The following MGLL variants were observed in gnomAD, a reference collection of about 807,000 sequenced individuals.
The protein encoded by MGLL is monoglyceride lipase.
Under a neutral mutation model 29.1 loss-of-function variants are expected in MGLL, and 7 were observed. The ratio of observed to expected loss-of-function variants is 0.24; its 90% CI spans 0.14 to 0.45. The LOEUF is 0.45. MGLL is among the 20% of genes least tolerant of loss of function. MGLL has a pLI of 0.99. For missense variants in MGLL, 356 were observed against 413.6 expected (o/e 0.86, Z 1.21); for synonymous variants, 148 against 168.3 (o/e 0.88, Z 0.93).
At chr3:127,806,318 C>A (rs2077564707) in intron 2 of MGLL, among the ~76,000 whole-genome samples, 1 of 152,234 alleles carries the variant, frequency 6.6e-6, no homozygotes, top group Non-Finnish European at 1.5e-5. Flanking sequence ...AGATCCAGCA[C>A]AAGGCCTGCC....
In MGLL at chr3:127,696,396, C is replaced by CTTTTTTTT. The variant is rs545853423; in HGVS notation, c.601-1214_601-1207dup. 5.7e-3 allele frequency among the ~76,000 whole-genome samples: 281 copies of CTTTTTTTT among 49,386 alleles called. 59 individuals carry two copies. The highest frequency in any genetic ancestry group is 7.0e-3 in the Non-Finnish European group (176 of 25,236). The allele number at this position is 49,386 out of a possible 152,430, so 32.4% of individuals were successfully genotyped here. A position where few individuals can be genotyped will look rare whatever the true frequency, so the allele number is the denominator to read the frequency against. On this transcript the variant is annotated intron_variant, in intron 6 of 7. Transcript: ENST00000265052. ...GGGCAGGAGTGAGCCCCTGATGCTT[C>CTTTTTTTT]TTTTTTTTTTTTTTTTTTTTTTTTT... is the stretch of plus-strand genomic sequence containing the variant.
intron 1 of MGLL, 120 bp from the exon 2 acceptor site, chr3:127,821,958 C>T: frequency 1.8e-6 from 2 of 1,125,090 alleles, no homozygotes; most frequent in South Asian, 1.6e-5. Flanking sequence ...AAAAACCCCT[C>T]TGTTTCAAAG....
intron 2 of MGLL, among the ~76,000 whole-genome samples, chr3:127,788,769 G>C (rs2077256142): frequency 6.6e-6 from 1 of 152,194 alleles, no homozygotes; most frequent in Admixed American, 6.5e-5. Context: ...CATCATCAGG[G>C]CGTGTAGGCC....
At chr3:127,822,522 C>G, upstream of MGLL, 1 of 607,840 alleles carries the variant, frequency 1.6e-6, no homozygotes, top group Non-Finnish European at 2.9e-6. Context: ...CTCCGGGGCT[C>G]CCCTCCCTCC....
intron 7 of MGLL, among the ~76,000 whole-genome samples, chr3:127,693,272 C>T (rs1224842399): frequency 1.3e-5 from 2 of 152,204 alleles, no homozygotes; most frequent in Non-Finnish European, 2.9e-5. Context: ...CCTGGCTTGA[C>T]CTGCCTTGGT....
intron 2 of MGLL, among the ~76,000 whole-genome samples, chr3:127,819,209 G>A (rs183586273): frequency 1.2e-4 from 19 of 152,290 alleles, no homozygotes; most frequent in Non-Finnish European, 1.0e-4. Flanking sequence ...GTTGCTCCGA[G>A]CCACCTGCAG....
intron 3 of MGLL, among the ~76,000 whole-genome samples, chr3:127,744,165 A>T (rs2076397569): frequency 6.6e-6 from 1 of 152,210 alleles, no homozygotes; most frequent in Non-Finnish European, 1.5e-5. Context: ...AATGTAACCA[A>T]CTAAAAGGCT....
At chr3:127,801,570 C>A (rs1265921029) in intron 2 of MGLL, among the ~76,000 whole-genome samples, 151 of 136,954 alleles carry the variant, frequency 1.1e-3, no homozygotes, top group Middle Eastern at 4.8e-3. Context: ...GAGCCGAGAT[C>A]GCACCATTGC....
chr3:127,707,257 C>T (rs74813671), intron 6 of MGLL, among the ~76,000 whole-genome samples: 5,077 of 152,298 alleles, frequency 0.033, 279 homozygotes, highest in African/African-American at 0.12. Flanking sequence ...CCCGCCTCCA[C>T]CCCTTCCACA....
intron 5 of MGLL, among the ~76,000 whole-genome samples, chr3:127,718,875 C>T (rs2075865925): frequency 1.3e-5 from 2 of 152,276 alleles, no homozygotes; most frequent in African/African-American, 4.8e-5. Context: ...GTGAGACTTT[C>T]AGGAAGGTTG....
chr3:127,707,068 G>A (rs1256679030), intron 6 of MGLL, among the ~76,000 whole-genome samples: 3 of 152,134 alleles, frequency 2.0e-5, no homozygotes, highest in South Asian at 2.1e-4. Context: ...CATGGCTCCC[G>A]GGTGCTCAGA....
At chr3:127,816,260 A>C (rs748798955) in intron 2 of MGLL, among the ~76,000 whole-genome samples, 56 of 152,306 alleles carry the variant, frequency 3.7e-4, no homozygotes, top group Non-Finnish European at 5.9e-4. Context: ...TCTACACTCA[A>C]AGATGAAAAC....
At chr3:127,692,780 A>C (rs1280155603) in intron 7 of MGLL, among the ~76,000 whole-genome samples, 3 of 152,164 alleles carry the variant, frequency 2.0e-5, no homozygotes, top group South Asian at 4.1e-4. Flanking sequence ...TGTGCTGGTC[A>C]TTCATAAGCT....
intron 6 of MGLL, among the ~76,000 whole-genome samples, chr3:127,696,558 C>T (rs573864015): frequency 3.3e-5 from 5 of 151,612 alleles, no homozygotes; most frequent in Non-Finnish European, 7.4e-5. Context: ...GGATTATAGG[C>T]GCCGGCCATC....
intron 5 of MGLL, among the ~76,000 whole-genome samples, chr3:127,714,903 A>G (rs1160317328): frequency 3.9e-5 from 6 of 152,186 alleles, no homozygotes; most frequent in Non-Finnish European, 8.8e-5. Context: ...CTGTTCCTTC[A>G]ATCCAGTTGG....
intron 2 of MGLL, among the ~76,000 whole-genome samples, chr3:127,805,724 G>A (rs2077554032): frequency 2.0e-5 from 3 of 152,190 alleles, no homozygotes; most frequent in Admixed American, 2.0e-4. Context: ...TCAAATCCTG[G>A]CCCTGCCACT....
chr3:127,766,741 C>T (rs1348236695), intron 3 of MGLL, among the ~76,000 whole-genome samples: 1 of 152,188 alleles, frequency 6.6e-6, no homozygotes, highest in Non-Finnish European at 1.5e-5. Context: ...GAGCTCTTTT[C>T]TTTCAAATAT....
At chr3:127,715,584 T>A in intron 5 of MGLL, 1 of 435,294 alleles carries the variant, frequency 2.3e-6, no homozygotes, top group South Asian at 1.7e-5. Flanking sequence ...GCCTAATCTC[T>A]CCTGAAGGAG....
chr3:127,761,082 G>A lies in MGLL; in HGVS notation c.262+20707C>T, dbSNP rs2076755578. ...TATCCAAAGAAACCATCATTTCTGT[G>A]AAATGCCTTGTAATTCTGCAAGCCT... On this transcript the variant is annotated intron_variant, in intron 3 of 7. Coordinates refer to ENST00000265052, the MANE Select transcript of MGLL (RefSeq NM_007283.7). This position sits in a 1 kb window ranked among gnomAD's most constrained non-coding sequence, Gnocchi z 4.6. Among the ~76,000 whole-genome samples, 1 of 152,232 alleles carries A rather than the reference G, an allele frequency of 6.6e-6. No homozygotes were observed. The highest frequency in any genetic ancestry group is 6.5e-5 in the Admixed American group (1 of 15,282).
Sources: allele counts gnomAD v4.1 joint callset (sites outside exome capture counted in the v4.1 genomes callset), GRCh38; gene constraint gnomAD v4.1.1; non-coding constraint Gnocchi (gnomAD v3.1); transcripts MANE v1.5; gene names NCBI Gene and HGNC (gene_info 2026-07-23, HGNC 2026-07-21).